The following RNF8 variants were observed in gnomAD, a reference collection of about 807,000 sequenced individuals.
RNF8 encodes the protein ring finger protein 8, also known as E3 ubiquitin-protein ligase RNF8.
A neutral mutation model predicts 59.3 loss-of-function variants in RNF8; 8 were observed. The ratio of observed to expected loss-of-function variants is 0.13; its 90% CI spans 0.08 to 0.24. The LOEUF (loss-of-function observed/expected upper bound fraction) is 0.24. Ranked by LOEUF, RNF8 falls within the 10% of genes least tolerant of loss-of-function variation. The probability of loss-of-function intolerance (pLI) is 1.00; values close to 1 mark genes in which losing one functional copy is unlikely to be tolerated. For missense variants in RNF8, 406 were observed against 572.6 expected (o/e 0.71, Z 2.97); for synonymous variants, 162 against 200.0 (o/e 0.81, Z 1.60).
rs1581656149 is a variant in RNF8 at position 37,354,092 on chromosome 6, G to T, written c.-73G>T. The T allele has an allele frequency of 8.4e-7, 1 of 1,193,300 alleles. No individual in the cohort carries two copies. The highest frequency in any genetic ancestry group is 2.6e-5 in the East Asian group (1 of 39,038). The allele number at this position is 1,193,300 out of a possible 1,614,324, so 73.9% of individuals were successfully genotyped here. Reference sequence around the variant, plus strand: ...TGTTATTTAGATATGGAAGCTGAGGGGATGCACAGAGGCAGCCAGAACCTA... The same window carrying T: ...TGTTATTTAGATATGGAAGCTGAGGTGATGCACAGAGGCAGCCAGAACCTA... On this transcript the variant is annotated 5_prime_UTR_variant, in exon 1 of 8. Transcript: ENST00000373479.
Position 37,392,846 on chromosome 6 carries a change from T to G in RNF8, c.*2088T>G. ...TAAAAATTATTTTATTATTTTTTAA[T>G]AGAGACTATGTTGCCTAGGCTGGTC... On this transcript the variant is annotated 3_prime_UTR_variant, in exon 8 of 8. Transcript: ENST00000373479. 1 of 379,244 alleles carries G rather than the reference T, an allele frequency of 2.6e-6. No homozygotes were observed. Among genetic ancestry groups the G allele is most frequent in the Non-Finnish European group, 4.6e-6 (1 of 215,720 alleles). 23.5% of individuals were successfully genotyped at this position (379,244 alleles called of 1,614,324 possible).
intron 2 of RNF8, among the ~76,000 whole-genome samples, chr6:37,363,867 G>T (rs1769428859): frequency 6.6e-6 from 1 of 152,134 alleles, no homozygotes. Flanking sequence ...TAATAACATG[G>T]ATAAACCTCA....
intron 6 of RNF8, among the ~76,000 whole-genome samples, chr6:37,379,959 G>C (rs889745851): frequency 3.0e-4 from 46 of 152,088 alleles, no homozygotes; most frequent in Admixed American, 2.8e-3. Context: ...TGTCGCCCAG[G>C]CTGGAGTGCA....
At chr6:37,367,360 C>T (rs527559466) in intron 2 of RNF8, among the ~76,000 whole-genome samples, 1 of 152,190 alleles carries the variant, frequency 6.6e-6, no homozygotes, top group Non-Finnish European at 1.5e-5. Flanking sequence ...TGCTCTTAAC[C>T]TCAATACTAT....
intron 2 of RNF8, among the ~76,000 whole-genome samples, chr6:37,367,956 T>C (rs1265985300): frequency 2.6e-5 from 4 of 152,210 alleles, no homozygotes; most frequent in Non-Finnish European, 5.9e-5. Flanking sequence ...TTGATATTAA[T>C]TGGGTCAGAT....
rs1252045869 is a variant in RNF8 at position 37,370,452 on chromosome 6, T to G, written c.976-1060T>G. Among the ~76,000 whole-genome samples, 3 of 152,216 alleles carry G rather than the reference T, an allele frequency of 2.0e-5. No homozygotes were observed. The East Asian group carries it at 5.8e-4, about 29-fold the overall frequency. ...AGGAACAAGTTACTGTTGCTTAATATTTGTGGCTGCTCTGGACATGCCTCA... is the reference window on the plus strand; with the variant it reads ...AGGAACAAGTTACTGTTGCTTAATAGTTGTGGCTGCTCTGGACATGCCTCA... On this transcript the variant is annotated intron_variant, in intron 3 of 7. Transcript: ENST00000373479.
chr6:37,377,058 CTTCTTTT>C, intron 6 of RNF8, 25 bp downstream of exon 6: 1 of 692,136 alleles, frequency 1.4e-6, no homozygotes, highest in African/African-American at 2.1e-5. Context: ...TTGCTCACCC[CTTCTTTT>C]TTTTTTTTTT....
chr6:37,354,018 C>T lies in RNF8; in HGVS notation c.-147C>T, dbSNP rs1413187605. 4.1e-6 allele frequency: 3 copies of T among 729,550 alleles called. No individual in the cohort carries two copies. The highest frequency in any genetic ancestry group is 2.4e-5 in the Admixed American group (1 of 42,430). The allele number at this position is 729,550 out of a possible 1,614,324, so 45.2% of individuals were successfully genotyped here. ...TGCTTCCTGGCCGAGGGCGGGCGAG[C>T]GGAGCCTGCTTTCGCAGCGATCGCG... is the stretch of plus-strand genomic sequence containing the variant. On this transcript the variant is annotated 5_prime_UTR_variant, in exon 1 of 8. Transcript: ENST00000373479.
At position 37,390,811 on chromosome 6, in the gene RNF8, T is replaced by C. The variant is rs764641305; in HGVS notation, c.*53T>C. ...ACTGCCAGGTAGTGCGAGCCTGAGA[T>C]GGTCTGGAGGATTCTCTCTAGCCGT... is the stretch of plus-strand genomic sequence containing the variant. On this transcript the variant is annotated 3_prime_UTR_variant, in exon 8 of 8. Transcript: ENST00000373479. The C allele has an allele frequency of 3.1e-6, 5 of 1,613,986 alleles. No individual in the cohort carries two copies. The highest frequency in any genetic ancestry group is 4.2e-6 in the Non-Finnish European group (5 of 1,179,980).
intron 2 of RNF8, chr6:37,361,529 G>A (rs1357556212): frequency 1.7e-5 from 6 of 352,264 alleles, no homozygotes; most frequent in African/African-American, 4.3e-5. Context: ...TACAAGCACC[G>A]AGGAATGTGA....
In RNF8 at chr6:37,360,623, C is replaced by T; in HGVS notation, c.240+49C>T. ...ATGACTTTTATTTGTTTTTAAATTA[C>T]TTTTTTTTTTTTTTGCATAGGTAAT... On this transcript the variant is annotated intron_variant, in intron 2 of 7. Coordinates refer to ENST00000373479, the MANE Select transcript of RNF8 (RefSeq NM_003958.4). This position sits in a 1 kb window ranked among gnomAD's most constrained non-coding sequence, Gnocchi z 4.2. 7 of 1,269,086 alleles carry T rather than the reference C, an allele frequency of 5.5e-6. No homozygotes were observed. The highest frequency in any genetic ancestry group is 1.6e-5 in the African/African-American group (1 of 63,454). The allele number at this position is 1,269,086 out of a possible 1,614,324, so 78.6% of individuals were successfully genotyped here. A position where few individuals can be genotyped will look rare whatever the true frequency, so the allele number is the denominator to read the frequency against.
chr6:37,388,361 C>G (rs759868230), intron 7 of RNF8, among the ~76,000 whole-genome samples: 6 of 152,150 alleles, frequency 3.9e-5, no homozygotes, highest in Non-Finnish European at 8.8e-5. Flanking sequence ...TAGTTTTCAA[C>G]TGGAAAGTTT....
intron 7 of RNF8, among the ~76,000 whole-genome samples, chr6:37,384,350 A>G (rs1770405634): frequency 6.6e-6 from 1 of 152,070 alleles, no homozygotes; most frequent in African/African-American, 2.4e-5. Flanking sequence ...TGTGTTGGCC[A>G]GGCTGGTCTC....
chr6:37,384,101 C>T (rs1770392114), intron 7 of RNF8, among the ~76,000 whole-genome samples: 1 of 150,630 alleles, frequency 6.6e-6, no homozygotes, highest in Non-Finnish European at 1.5e-5. Flanking sequence ...GGGGCTTTTT[C>T]AAACTACATT....
At chr6:37,355,018 G>A (rs574177122) in intron 1 of RNF8, among the ~76,000 whole-genome samples, 1 of 152,334 alleles carries the variant, frequency 6.6e-6, no homozygotes, top group African/African-American at 2.4e-5. Context: ...CCCTGAGGTG[G>A]GTCGGGCAGG....
chr6:37,354,417 G>A (rs540682408), intron 1 of RNF8, 142 bp downstream of exon 1: 6 of 691,140 alleles, frequency 8.7e-6, no homozygotes, highest in Admixed American at 3.0e-5. Flanking sequence ...TGTCTGTGGG[G>A]GGGGTGGATT....
At chr6:37,369,721 A>G (rs1769720707) in intron 3 of RNF8, 1 of 153,852 alleles carries the variant, frequency 6.5e-6, no homozygotes, top group Non-Finnish European at 1.4e-5. Flanking sequence ...AAGGTTAGTT[A>G]ACTCTGTAGC....
rs566498379 is a variant in RNF8 at position 37,387,175 on chromosome 6, A to G, written c.1442-3567A>G. Among the ~76,000 whole-genome samples the G allele has an allele frequency of 1.4e-4, 22 of 152,316 alleles. No individual in the cohort carries two copies. In the South Asian group the frequency reaches 1.7e-3, roughly 11 times the overall value. On this transcript the variant is annotated intron_variant, in intron 7 of 7. Coordinates refer to ENST00000373479, the MANE Select transcript of RNF8 (RefSeq NM_003958.4). Reference sequence around the variant, plus strand: ...ATCAGCTGGATATATATTCTGTCCAACTGCCTACTGCTATGGTTCTTAAGA... The same window carrying G: ...ATCAGCTGGATATATATTCTGTCCAGCTGCCTACTGCTATGGTTCTTAAGA...
In RNF8 at chr6:37,376,933, A is replaced by G. The variant is rs756797785; in HGVS notation, c.1136A>G (p.Lys379Arg). The change falls in exon 6 of 8, where the codon AAG becomes AGG. Residue 379 changes from lysine (K) to arginine (R), a missense_variant. Physicochemically the swap from Lys to Arg is conservative, Grantham distance 26 (BLOSUM62 2). This residue lies in a region of RNF8 where 285 missense variants were observed against 342.0 expected (regional missense o/e 0.83). Transcript: ENST00000373479. The part of the protein sequence containing the change: ...NKELEQTKEE[K>R]EKMQAQKEEV... ...GGATTGTGTGTCTTGCAGGAAGAGA[A>G]GGAGAAGATGCAAGCACAGAAGGAA... The G allele has an allele frequency of 6.2e-7, 1 of 1,611,454 alleles. No individual in the cohort carries two copies. The highest frequency in any genetic ancestry group is 1.7e-5 in the Admixed American group (1 of 59,990).
Sources: allele counts gnomAD v4.1 joint callset (sites outside exome capture counted in the v4.1 genomes callset), GRCh38; gene constraint gnomAD v4.1.1; regional missense constraint gnomAD v4.1.1; non-coding constraint Gnocchi (gnomAD v3.1); transcripts MANE v1.5; gene names NCBI Gene and HGNC (gene_info 2026-07-23, HGNC 2026-07-21).